ETV7: variants seen among roughly 807,000 people sequenced by gnomAD.
ETV7 encodes transcription factor ETV7.
A neutral mutation model predicts 39.1 loss-of-function variants in ETV7; 43 were observed. The ratio of observed to expected loss-of-function variants is 1.10; its 90% CI spans 0.86 to 1.42. ETV7 has a LOEUF of 1.42. Ranked by LOEUF, ETV7 falls within the 40% of genes most tolerant of loss-of-function variation. ETV7 has a pLI of 0.00. For synonymous variants in ETV7, 196 were observed against 176.6 expected (o/e 1.11, Z -0.87); for missense variants, 432 against 442.3 (o/e 0.98, Z 0.21).
rs1468401321 is a variant in ETV7 at position 36,385,519 on chromosome 6, C to T, written c.142+15G>A. ...TACTTTTAAAAACTCAGCTTTTCTCCTCCCCTCTACTTACGGAGTCTTCCT... is the reference window on the plus strand; with the variant it reads ...TACTTTTAAAAACTCAGCTTTTCTCTTCCCCTCTACTTACGGAGTCTTCCT... On this transcript the variant is annotated intron_variant, in intron 2 of 7. Transcript: ENST00000340181. 4 of 1,614,166 alleles carry T rather than the reference C, an allele frequency of 2.5e-6. No homozygotes were observed. The East Asian group carries it at 8.9e-5, about 36-fold the overall frequency.
chr6:36,371,113 C>G (rs1305502231), intron 5 of ETV7, among the ~76,000 whole-genome samples: 1 of 152,156 alleles, frequency 6.6e-6, no homozygotes, highest in East Asian at 1.9e-4. Flanking sequence ...GTAAATTGTC[C>G]CTGTGTGGGA....
chr6:36,374,339 A>T (rs1265442335), intron 3 of ETV7, among the ~76,000 whole-genome samples: 2 of 150,950 alleles, frequency 1.3e-5, no homozygotes, highest in African/African-American at 4.9e-5. Flanking sequence ...CCTGGGCAAT[A>T]GAGTGAGACC....
chr6:36,382,192 T>TG (rs1388084841), intron 2 of ETV7, among the ~76,000 whole-genome samples: 9 of 152,316 alleles, frequency 5.9e-5, no homozygotes, highest in Non-Finnish European at 2.9e-5. Flanking sequence ...AAACAAATAA[T>TG]ATTTTGTACC....
chr6:36,382,087 G>A (rs1245726581), intron 2 of ETV7, among the ~76,000 whole-genome samples: 1 of 152,010 alleles, frequency 6.6e-6, no homozygotes, highest in Non-Finnish European at 1.5e-5. Context: ...CCACCTCTCT[G>A]GTGTTTTACA....
chr6:36,375,641 C>T (rs1017909404), intron 3 of ETV7, among the ~76,000 whole-genome samples: 1 of 152,108 alleles, frequency 6.6e-6, no homozygotes, highest in Non-Finnish European at 1.5e-5. Context: ...CAGAACAGGC[C>T]CCTACAGCTC....
chr6:36,359,313 T>C (rs1217771272), intron 7 of ETV7, among the ~76,000 whole-genome samples: 1 of 151,912 alleles, frequency 6.6e-6, no homozygotes, highest in Non-Finnish European at 1.5e-5. Flanking sequence ...TAGCCAGGTG[T>C]GGTGGTGCAC....
At chr6:36,379,475 G>C (rs1773539416) in intron 2 of ETV7, among the ~76,000 whole-genome samples, 1 of 151,560 alleles carries the variant, frequency 6.6e-6, no homozygotes, top group Non-Finnish European at 1.5e-5. Flanking sequence ...TTGAGCCCAA[G>C]AGTTCACGGA....
In ETV7 at chr6:36,385,585, G is replaced by T; in HGVS notation, c.91C>A (p.Gln31Lys). 1.2e-6 allele frequency: 2 copies of T among 1,614,224 alleles called. No individual in the cohort carries two copies. Among genetic ancestry groups the T allele is most frequent in the East Asian group, 4.5e-5 (2 of 44,888 alleles). The change falls in exon 2 of 8, where the codon CAA becomes AAA. Residue 31 changes from glutamine to lysine, a missense_variant. Transcript: ENST00000340181. ...GTHVQARCEA[Q>K]INLLGEGGIC... is the part of the protein sequence containing the mutation. Reference sequence around the variant, plus strand: ...CCCCCTTCACCCAGCAGGTTAATTTGAGCTTCACATCTGGCTTGCACGTGG... The same window carrying T: ...CCCCCTTCACCCAGCAGGTTAATTTTAGCTTCACATCTGGCTTGCACGTGG...
At chr6:36,367,174 G>A (rs1772768762) in intron 6 of ETV7, among the ~76,000 whole-genome samples, 199 bp from the exon 7 acceptor site, 1 of 152,166 alleles carries the variant, frequency 6.6e-6, no homozygotes, top group African/African-American at 2.4e-5. Flanking sequence ...TGGGCAGGGT[G>A]GCTCACACCT....
At position 36,370,394 on chromosome 6, in the gene ETV7, G is replaced by A. The variant is rs528575396; in HGVS notation, c.664+936C>T. Among the ~76,000 whole-genome samples, 7 of 152,218 alleles carry A rather than the reference G, an allele frequency of 4.6e-5. No homozygotes were observed. The South Asian group carries it at 1.2e-3, about 27-fold the overall frequency. ...TACTAATAAAACAAAAATTAGCCAG[G>A]TGTGGTGGTGGGCGCCTGTAATCCC... On this transcript the variant is annotated intron_variant, in intron 5 of 7. Coordinates refer to ENST00000340181, the MANE Select transcript of ETV7 (RefSeq NM_016135.4).
Position 36,366,305 on chromosome 6 carries a change from T to A in ETV7, c.*340A>T, listed in dbSNP as rs1772712204. 2.7e-6 allele frequency: 3 copies of A among 1,104,378 alleles called. No homozygotes were observed. The South Asian group carries it at 1.0e-4, about 38-fold the overall frequency. 68.4% of individuals were successfully genotyped at this position (1,104,378 alleles called of 1,614,324 possible). ...TTTCACAGGTGAGGAAATCTGAGGC[T>A]CAGTGAGGGACTTCATTCCCTTCAT... On this transcript the variant is annotated 3_prime_UTR_variant, in exon 8 of 8. Transcript: ENST00000340181.
At chr6:36,363,905 C>A (rs1443615879), downstream of ETV7, among the ~76,000 whole-genome samples, 1 of 151,980 alleles carries the variant, frequency 6.6e-6, no homozygotes, top group Non-Finnish European at 1.5e-5. Flanking sequence ...TATTTACAAA[C>A]CTTGAGGTAG....
At chr6:36,369,095 A>C in intron 5 of ETV7, 24 bp from the exon 6 acceptor site, 1 of 1,613,436 alleles carries the variant, frequency 6.2e-7, no homozygotes, top group Non-Finnish European at 8.5e-7. Flanking sequence ...CAGGGAGTGC[A>C]GGCAGCGCAG....
chr6:36,376,398 A>G (rs186060575), intron 2 of ETV7, among the ~76,000 whole-genome samples: 4 of 152,336 alleles, frequency 2.6e-5, no homozygotes, highest in African/African-American at 9.6e-5. Context: ...ATGTGTATTC[A>G]GCACCTAGAA....
chr6:36,363,556 G>A (rs1156320068), downstream of ETV7, among the ~76,000 whole-genome samples: 1 of 152,240 alleles, frequency 6.6e-6, no homozygotes, highest in Non-Finnish European at 1.5e-5. Flanking sequence ...GCTAATAAAA[G>A]CAGCGTGGAC....
intron 7 of ETV7, among the ~76,000 whole-genome samples, chr6:36,356,191 T>C (rs1772330999): frequency 6.6e-6 from 1 of 151,856 alleles, no homozygotes; most frequent in South Asian, 2.1e-4. Flanking sequence ...CCCTTCTCTT[T>C]GGGAAGCCAA....
intron 1 of ETV7, chr6:36,386,863 G>A (rs1255079087): frequency 1.3e-5 from 2 of 153,370 alleles, no homozygotes; most frequent in Non-Finnish European, 1.5e-5. Flanking sequence ...TCAAGGCACA[G>A]GACTTGCCTC....
chr6:36,374,634 G>C (rs1240332616), intron 3 of ETV7, among the ~76,000 whole-genome samples: 1 of 152,192 alleles, frequency 6.6e-6, no homozygotes, highest in Non-Finnish European at 1.5e-5. Context: ...GGACCATCAG[G>C]GCTGTGGGGA....
chr6:36,381,054 C>T (rs1430381682), intron 2 of ETV7, among the ~76,000 whole-genome samples: 4 of 152,030 alleles, frequency 2.6e-5, no homozygotes, highest in African/African-American at 7.3e-5. Context: ...TCCCACCACA[C>T]CCCTGCAGTT....
Sources: allele counts gnomAD v4.1 joint callset (sites outside exome capture counted in the v4.1 genomes callset), GRCh38; gene constraint gnomAD v4.1.1; transcripts MANE v1.5; gene names NCBI Gene and HGNC (gene_info 2026-07-23, HGNC 2026-07-21).